Variants in PTPRR observed in about 807,000 individuals in gnomAD.
The protein encoded by PTPRR is receptor-type tyrosine-protein phosphatase R.
A neutral mutation model predicts 77.2 loss-of-function variants in PTPRR; 38 were observed. The observed-to-expected ratio is 0.49, with a 90% CI of 0.38 to 0.65. The LOEUF is 0.65. Ranked by LOEUF, PTPRR falls within the 30% of genes least tolerant of loss-of-function variation. The probability of loss-of-function intolerance (pLI) is 0.00; values close to 1 mark genes in which losing one functional copy is unlikely to be tolerated. For missense variants in PTPRR, 744 were observed against 799.2 expected (o/e 0.93, Z 0.83); for synonymous variants, 299 against 283.1 (o/e 1.06, Z -0.57).
At position 70,742,198 on chromosome 12, in the gene PTPRR, C is replaced by T. The variant is rs139381700; in HGVS notation, c.1007+3620G>A. 3.9e-4 allele frequency among the ~76,000 whole-genome samples: 60 copies of T among 152,188 alleles called. 1 individual carries two copies. In the East Asian group the frequency reaches 9.5e-3, roughly 24 times the overall value. ...TCATGTTGAGAAAGTCTCCTTAAAA[C>T]GTAGAGGAAACCCTAGGAAACCAGA... On this transcript the variant is annotated intron_variant, in intron 6 of 13. Coordinates refer to ENST00000283228, the MANE Select transcript of PTPRR (RefSeq NM_002849.4).
At chr12:70,694,523 G>A (rs964623375) in intron 8 of PTPRR, among the ~76,000 whole-genome samples, 4 of 152,054 alleles carry the variant, frequency 2.6e-5, no homozygotes, top group Admixed American at 2.6e-4. Flanking sequence ...GCAGCTGGAG[G>A]CCATTATTCT....
At chr12:70,672,365 C>T in intron 10 of PTPRR, 2 of 1,372,326 alleles carry the variant, frequency 1.5e-6, no homozygotes, top group Non-Finnish European at 2.1e-6. Context: ...GATGGTCCTC[C>T]CATCAGAGAG....
chr12:70,698,919 TAGTGA>T (rs754575252), intron 7 of PTPRR, among the ~76,000 whole-genome samples: 122 of 152,292 alleles, frequency 8.0e-4, no homozygotes, highest in South Asian at 1.5e-3. Context: ...GCACTGTTTT[TAGTGA>T]AGGGCATTCA....
intron 2 of PTPRR, among the ~76,000 whole-genome samples, chr12:70,860,378 C>G (rs569425598): frequency 6.6e-6 from 1 of 152,122 alleles, no homozygotes; most frequent in South Asian, 2.1e-4. Flanking sequence ...CAAATCAAAC[C>G]TAGAGAGTTC....
chr12:70,829,959 C>T (rs967907313), intron 2 of PTPRR, among the ~76,000 whole-genome samples: 3 of 152,144 alleles, frequency 2.0e-5, no homozygotes, highest in African/African-American at 7.2e-5. Flanking sequence ...AAGATTGAGG[C>T]TCCAATTGAT....
At chr12:70,766,086 A>G (rs1014349818) in intron 2 of PTPRR, among the ~76,000 whole-genome samples, 2 of 152,180 alleles carry the variant, frequency 1.3e-5, no homozygotes, top group Non-Finnish European at 2.9e-5. Flanking sequence ...GAAAAACTGG[A>G]AACTCTAAAA....
At chr12:70,672,737 T>C (rs1887281299) in intron 10 of PTPRR, 2 of 1,548,956 alleles carry the variant, frequency 1.3e-6, no homozygotes, top group Non-Finnish European at 1.8e-6. Context: ...CCAGGGGATG[T>C]CATCCTGACT....
intron 10 of PTPRR, among the ~76,000 whole-genome samples, chr12:70,671,255 T>C (rs1050692403): frequency 4.6e-5 from 7 of 152,200 alleles, no homozygotes; most frequent in Non-Finnish European, 7.3e-5. Flanking sequence ...GTTTCCTGTA[T>C]TGTATTATAT....
At chr12:70,655,616 A>C (rs1886546668) in intron 13 of PTPRR, among the ~76,000 whole-genome samples, 1 of 152,234 alleles carries the variant, frequency 6.6e-6, no homozygotes, top group South Asian at 2.1e-4. Flanking sequence ...TGAGGATATT[A>C]TGCTAAGTGA....
intron 2 of PTPRR, among the ~76,000 whole-genome samples, chr12:70,891,536 A>C (rs751298547): frequency 3.4e-4 from 52 of 152,144 alleles, no homozygotes; most frequent in Non-Finnish European, 6.2e-4. Flanking sequence ...ATTTTCTCTT[A>C]ACAAGAGTTC....
intron 4 of PTPRR, among the ~76,000 whole-genome samples, chr12:70,760,114 A>T (rs1222518384): frequency 1.3e-5 from 2 of 152,230 alleles, no homozygotes; most frequent in Non-Finnish European, 2.9e-5. Context: ...GTCATCCTGC[A>T]TTCAAATTAC....
At chr12:70,768,205 A>C (rs932500643) in intron 2 of PTPRR, among the ~76,000 whole-genome samples, 13 of 152,168 alleles carry the variant, frequency 8.5e-5, no homozygotes, top group Non-Finnish European at 1.8e-4. Flanking sequence ...AAAACCCTTC[A>C]AAAAATTAAT....
At chr12:70,893,064 T>C in intron 1 of PTPRR, 87 bp from the exon 2 acceptor site, 1 of 1,386,978 alleles carries the variant, frequency 7.2e-7, no homozygotes. Flanking sequence ...TTACCCTTTC[T>C]TGAGAGGCTT....
intron 1 of PTPRR, among the ~76,000 whole-genome samples, chr12:70,902,796 G>GCACT (rs1320506475): frequency 5.9e-5 from 9 of 151,644 alleles, no homozygotes; most frequent in Non-Finnish European, 1.3e-4. Context: ...CATACTGGTT[G>GCACT]GGTGATGGGT....
intron 1 of PTPRR, among the ~76,000 whole-genome samples, chr12:70,917,506 G>A (rs1185541909): frequency 6.6e-6 from 1 of 152,114 alleles, no homozygotes; most frequent in Non-Finnish European, 1.5e-5. Context: ...AAAATCGGCT[G>A]CCATGGGTAG....
intron 8 of PTPRR, among the ~76,000 whole-genome samples, chr12:70,689,409 G>A (rs1372253521): frequency 6.6e-6 from 1 of 151,920 alleles, no homozygotes; most frequent in Non-Finnish European, 1.5e-5. Context: ...ACCCTTGTTG[G>A]TAAAACCTCT....
intron 2 of PTPRR, among the ~76,000 whole-genome samples, chr12:70,788,369 G>C (rs1201931380): frequency 6.6e-6 from 1 of 152,160 alleles, no homozygotes; most frequent in African/African-American, 2.4e-5. Context: ...AAAATGTCTA[G>C]ATTTAGTGAA....
At chr12:70,668,428 C>G (rs903130342) in intron 10 of PTPRR, among the ~76,000 whole-genome samples, 3 of 152,148 alleles carry the variant, frequency 2.0e-5, no homozygotes, top group African/African-American at 7.2e-5. Context: ...TGTTAGTGCT[C>G]CATAAACAGT....
intron 13 of PTPRR, among the ~76,000 whole-genome samples, chr12:70,639,919 C>T (rs564844406): frequency 6.6e-6 from 1 of 152,232 alleles, no homozygotes; most frequent in African/African-American, 2.4e-5. Context: ...ACAGAAGCAA[C>T]CTTAGCCTTT....
Sources: gnomAD v4.1 joint callset for allele counts (sites outside exome capture counted in the v4.1 genomes callset) on GRCh38, gnomAD v4.1.1 for gene constraint, MANE v1.5 for transcripts, NCBI Gene and HGNC (gene_info 2026-07-23, HGNC 2026-07-21) for gene names.